The following ZNF518B variants were observed in gnomAD, a reference collection of about 807,000 sequenced individuals.
The protein encoded by ZNF518B is zinc finger protein 518B.
A neutral mutation model predicts 56.3 loss-of-function variants in ZNF518B; 23 were observed. The observed-to-expected ratio is 0.41, with a 90% confidence interval of 0.29 to 0.58. The LOEUF (loss-of-function observed/expected upper bound fraction) is 0.58, where lower values mean the gene tolerates loss of function less well. Among genes scored for constraint, ZNF518B ranks in the 20% least tolerant of loss-of-function variants. The pLI, the probability that ZNF518B is intolerant of heterozygous loss-of-function variation, is 0.32. For synonymous variants in ZNF518B, 529 were observed against 465.9 expected (o/e 1.14, Z -1.74); for missense variants, 1,460 against 1,272.1 (o/e 1.15, Z -2.25).
chr4:10,450,345 C>T (rs1307850928), intron 2 of ZNF518B, among the ~76,000 whole-genome samples: 1 of 152,158 alleles, frequency 6.6e-6, no homozygotes, highest in Non-Finnish European at 1.5e-5. Context: ...TTGCCACATC[C>T]CTCTGTGCAA....
intron 2 of ZNF518B, chr4:10,453,635 A>G (rs1318236882): frequency 1.3e-5 from 2 of 152,252 alleles, no homozygotes; most frequent in African/African-American, 4.8e-5. Context: ...AAAATAAGGT[A>G]GTATCACACG....
Position 10,444,586 on chromosome 4 carries a change from C to CAGGCAAAGA in ZNF518B, c.1742_1743insTCTTTGCCT (p.Lys581delinsAsnLeuCysLeu). On this transcript the variant is annotated protein_altering_variant, in exon 3 of 3. Coordinates refer to ENST00000326756, the MANE Select transcript of ZNF518B (RefSeq NM_053042.3). ...AAATCTGGCCTACAGTTGAAACTGC[C>CAGGCAAAGA]TTGTGTTCCTCTGTCTGGTTATCTT... 6.2e-7 allele frequency: 1 copy of CAGGCAAAGA among 1,613,884 alleles called. No homozygotes were observed.
chr4:10,443,657 G>A lies in ZNF518B; in HGVS notation c.2672C>T (p.Thr891Ile). The stretch of plus-strand genomic sequence containing the variant: ...CTTCCTGGATAAGTGTACTTGTTTG[G>A]TTTTATTTCTACTTATAGAAAGACT... ...SRSLSISRNK[T>I]KQVHLSRKKN... The change falls in exon 3 of 3, where the codon ACC becomes ATC. Residue 891 changes from threonine to isoleucine, a missense_variant. By Grantham distance (89) the Thr-to-Ile change is moderately conservative (BLOSUM62 -1). Coordinates refer to ENST00000326756, the MANE Select transcript of ZNF518B (RefSeq NM_053042.3). 6.2e-7 allele frequency: 1 copy of A among 1,613,978 alleles called. No individual in the cohort carries two copies. Among genetic ancestry groups the A allele is most frequent in the Non-Finnish European group, 8.5e-7 (1 of 1,179,952 alleles).
In ZNF518B at chr4:10,442,000, C is replaced by T. The variant is rs1458501106; in HGVS notation, c.*1104G>A. The T allele has an allele frequency of 2.0e-5, 3 of 152,036 alleles. No homozygotes were observed. The highest frequency in any genetic ancestry group is 4.4e-5 in the Non-Finnish European group (3 of 68,016). The allele number at this position is 152,036 out of a possible 1,614,324, so 9.4% of individuals were successfully genotyped here. A position where few individuals can be genotyped will look rare whatever the true frequency, so the allele number is the denominator to read the frequency against. The stretch of plus-strand genomic sequence containing the variant: ...TTTCTAGTAATCGCATGAGGGAAAA[C>T]CTTAAGGGGTCTCAAAGGCACAGAA... On this transcript the variant is annotated 3_prime_UTR_variant, in exon 3 of 3. Transcript: ENST00000326756.
Position 10,446,404 on chromosome 4 carries a change from T to C in ZNF518B, c.-76A>G. The C allele has an allele frequency of 7.1e-7, 1 of 1,404,646 alleles. No individual in the cohort carries two copies. The allele number at this position is 1,404,646 out of a possible 1,614,324, so 87.0% of individuals were successfully genotyped here. A position where few individuals can be genotyped will look rare whatever the true frequency, so the allele number is the denominator to read the frequency against. On this transcript the variant is annotated 5_prime_UTR_variant, in exon 3 of 3. Coordinates refer to ENST00000326756, the MANE Select transcript of ZNF518B (RefSeq NM_053042.3). ...TGATAAAATCCTTAGGAGATATCCT[T>C]CTATACAGTTTGTGATGGGTAGGGG...
chr4:10,456,349 C>A (rs905264765), intron 1 of ZNF518B, among the ~76,000 whole-genome samples: 3 of 152,190 alleles, frequency 2.0e-5, no homozygotes, highest in African/African-American at 4.8e-5. Flanking sequence ...AAGAAACTTT[C>A]ATTCTTTTGA....
At position 10,442,921 on chromosome 4, in the gene ZNF518B, T is replaced by C. The variant is rs1577218905; in HGVS notation, c.*183A>G. On this transcript the variant is annotated 3_prime_UTR_variant, in exon 3 of 3. Coordinates refer to ENST00000326756, the MANE Select transcript of ZNF518B (RefSeq NM_053042.3). ...CATGTACAATTTCAGAGCCTTCAAA[T>C]ACATTCTGGGGTCCAATCACATACT... 99 of 573,226 alleles carry C rather than the reference T, an allele frequency of 1.7e-4. 1 individual carries two copies. In the East Asian group the frequency reaches 2.8e-3, roughly 16 times the overall value. The allele number at this position is 573,226 out of a possible 1,614,324, so 35.5% of individuals were successfully genotyped here. A position where few individuals can be genotyped will look rare whatever the true frequency, so the allele number is the denominator to read the frequency against.
At chr4:10,447,968 A>G (rs1715143851) in intron 2 of ZNF518B, among the ~76,000 whole-genome samples, 1 of 152,190 alleles carries the variant, frequency 6.6e-6, no homozygotes. Context: ...CTTTTATACA[A>G]TCTTTAAAGA....
Position 10,443,704 on chromosome 4 carries a change from C to T in ZNF518B, c.2625G>A (p.Lys875=). The T allele has an allele frequency of 1.2e-6, 2 of 1,614,144 alleles. No homozygotes were observed. The highest frequency in any genetic ancestry group is 1.7e-4 in the Middle Eastern group (1 of 6,056). ...YGQQGSSELN[K]QGRLLSRSLS... is the part of the protein sequence containing the mutation. ...GACTTCTGGAAAGCAGTCTCCCTTG[C>T]TTATTTAATTCACTGCTTCCTTGCT... The change falls in exon 3 of 3, where the codon AAG becomes AAA. Residue 875 remains lysine (K), a synonymous_variant. Transcript: ENST00000326756.
Position 10,445,328 on chromosome 4 carries a change from G to A in ZNF518B, c.1001C>T (p.Pro334Leu), listed in dbSNP as rs1714943484. Residue 334 changes from proline to leucine, a missense_variant, in exon 3 of 3, where the codon CCA becomes CTA. Transcript: ENST00000326756. ...QPGMPLTVVAPAELVVPANCL... is the reference protein window; with the variant it reads ...QPGMPLTVVALAELVVPANCL... ...GTTTGCAGGGACAACTAGTTCTGCTGGTGCAACAACTGTCAATGGCATACC... is the reference window on the plus strand; with the variant it reads ...GTTTGCAGGGACAACTAGTTCTGCTAGTGCAACAACTGTCAATGGCATACC... The A allele has an allele frequency of 6.2e-7, 1 of 1,614,084 alleles. No individual in the cohort carries two copies. Among genetic ancestry groups the A allele is most frequent in the Non-Finnish European group, 8.5e-7 (1 of 1,180,048 alleles).
Position 10,444,119 on chromosome 4 carries a change from C to T in ZNF518B, c.2210G>A (p.Arg737Lys), listed in dbSNP as rs535739193. Residue 737 changes from arginine (R) to lysine (K), a missense_variant, in exon 3 of 3, where the codon AGA (arginine) becomes AAA (lysine). By Grantham distance (26) the Arg-to-Lys change is conservative. Coordinates refer to ENST00000326756, the MANE Select transcript of ZNF518B (RefSeq NM_053042.3). ...ATATATTTGTTGATGAGTAAGCTGT[C>T]TATTACCAGTAATACCACCATCATT... is the stretch of plus-strand genomic sequence containing the variant. ...PPNDGGITGN[R>K]QLTHQQIYPH... The T allele has an allele frequency of 6.2e-7, 1 of 1,614,230 alleles. No individual in the cohort carries two copies. The highest frequency in any genetic ancestry group is 1.1e-5 in the South Asian group (1 of 91,082).
At position 10,444,526 on chromosome 4, in the gene ZNF518B, G is replaced by A. The variant is rs1164194942; in HGVS notation, c.1803C>T (p.Asn601=). The A allele has an allele frequency of 6.2e-7, 1 of 1,613,974 alleles. No homozygotes were observed. The highest frequency in any genetic ancestry group is 8.5e-7 in the Non-Finnish European group (1 of 1,180,016). Residue 601 remains asparagine, a synonymous_variant, in exon 3 of 3, where the codon AAC becomes AAT. Transcript: ENST00000326756. ...GTTGAGATCTATCTTCTCCAGTTAT[G>A]TTTATATGTAAATACTCACTCTTAT... ...SQHKSEYLHI[N]ITGEDRSQQP...
In ZNF518B at chr4:10,454,831, G is replaced by T. The variant is rs1354958787; in HGVS notation, c.-238C>A. The T allele has an allele frequency of 6.6e-6, 1 of 152,282 alleles. No individual in the cohort carries two copies. The highest frequency in any genetic ancestry group is 1.9e-4 in the East Asian group (1 of 5,198). 9.4% of individuals were successfully genotyped at this position (152,282 alleles called of 1,614,324 possible). A position where few individuals can be genotyped will look rare whatever the true frequency, so the allele number is the denominator to read the frequency against. Reference sequence around the variant, plus strand: ...TCCTGCCTGTAGCCTTGGAGTTGCAGATGTAAGTCAAAACCGTGGCAAGTC... The same window carrying T: ...TCCTGCCTGTAGCCTTGGAGTTGCATATGTAAGTCAAAACCGTGGCAAGTC... On this transcript the variant is annotated 5_prime_UTR_variant, in exon 2 of 3. In the 5' UTR this introduces an upstream ATG that the reference lacks. Transcript: ENST00000326756.
upstream of ZNF518B, among the ~76,000 whole-genome samples, chr4:10,460,275 A>G (rs1000229108): frequency 6.0e-5 from 8 of 133,772 alleles, no homozygotes; most frequent in African/African-American, 2.2e-4. Flanking sequence ...ACTGCACTCC[A>G]GCATGGGCAA....
Position 10,445,890 on chromosome 4 carries a change from G to A in ZNF518B, c.439C>T (p.Pro147Ser). Residue 147 changes from proline (P) to serine (S), a missense_variant, in exon 3 of 3, where the codon CCG becomes TCG. By Grantham distance (74) the Pro-to-Ser change is moderately conservative. Transcript: ENST00000326756. ...CDKCRFSTKD[P>S]LQYKKHTLQH... ...AGGGTGTGCTTTTTGTACTGCAGCGGGTCCTTTGTAGAGAATCGACATTTA... is the reference window on the plus strand; with the variant it reads ...AGGGTGTGCTTTTTGTACTGCAGCGAGTCCTTTGTAGAGAATCGACATTTA... 2 of 1,614,184 alleles carry A rather than the reference G, an allele frequency of 1.2e-6. No homozygotes were observed. The highest frequency in any genetic ancestry group is 1.7e-6 in the Non-Finnish European group (2 of 1,180,042).
upstream of ZNF518B, among the ~76,000 whole-genome samples, chr4:10,460,769 T>C (rs192758382): frequency 3.9e-4 from 60 of 152,184 alleles, no homozygotes; most frequent in Non-Finnish European, 7.2e-4. Flanking sequence ...TTTTATATTC[T>C]CTCTGGCCTC....
At chr4:10,449,911 T>C (rs1338571165) in intron 2 of ZNF518B, among the ~76,000 whole-genome samples, 1 of 152,134 alleles carries the variant, frequency 6.6e-6, no homozygotes, top group Non-Finnish European at 1.5e-5. Flanking sequence ...TCTTCAAAAA[T>C]CCCAGAAGGC....
At chr4:10,456,835 C>T (rs1318201916) in intron 1 of ZNF518B, among the ~76,000 whole-genome samples, 1 of 152,136 alleles carries the variant, frequency 6.6e-6, no homozygotes, top group Non-Finnish European at 1.5e-5. Flanking sequence ...CTGCTCGGCG[C>T]GGACGGTAGG....
In ZNF518B at chr4:10,443,350, G is replaced by C. The variant is rs139973117; in HGVS notation, c.2979C>G (p.Thr993=). The change falls in exon 3 of 3, where the codon ACC becomes ACG. Residue 993 remains threonine, a synonymous_variant. Coordinates refer to ENST00000326756, the MANE Select transcript of ZNF518B (RefSeq NM_053042.3). The stretch of plus-strand genomic sequence containing the variant: ...GACTGGCTTCTTCCGCATTCTGGTA[G>C]GTCAGGCGTACATGATGCCGTCTGA... ...LGIRRHHVRL[T]YQNAEEASQI... is the part of the protein sequence containing the mutation. The C allele has an allele frequency of 9.7e-5, 156 of 1,614,070 alleles. 1 individual carries two copies. The highest frequency in any genetic ancestry group is 1.3e-4 in the Non-Finnish European group (152 of 1,180,044).
Sources: allele counts gnomAD v4.1 joint callset (sites outside exome capture counted in the v4.1 genomes callset), GRCh38; gene constraint gnomAD v4.1.1; transcripts MANE v1.5; gene names NCBI Gene and HGNC (gene_info 2026-07-23, HGNC 2026-07-21).